CFAP36: variants seen among roughly 807,000 people sequenced by gnomAD.
CFAP36 encodes the protein cilia- and flagella-associated protein 36.
In CFAP36, 37 loss-of-function variants were observed where a neutral mutation model predicts 50.5. The ratio of observed to expected loss-of-function variants is 0.73; its 90% CI spans 0.56 to 0.96. The LOEUF is 0.96. Among genes scored for constraint, CFAP36 ranks in the 50% least tolerant of loss-of-function variants. The pLI is 0.00. For synonymous variants in CFAP36, 138 were observed against 128.2 expected, an observed-to-expected ratio of 1.08 and a Z score of -0.52; for missense variants, 407 against 396.2, an observed-to-expected ratio of 1.03 and a Z score of -0.23.
chr2:55,520,644 A>C (rs1022635990), intron 1 of CFAP36, among the ~76,000 whole-genome samples: 2 of 152,202 alleles, frequency 1.3e-5, no homozygotes, highest in African/African-American at 4.8e-5. Context: ...CAGTTCGTGG[A>C]GACTATTTGC....
At chr2:55,522,269 T>TA in intron 2 of CFAP36, 103 bp downstream of exon 2, 1 of 636,478 alleles carries the variant, frequency 1.6e-6, no homozygotes, top group South Asian at 2.3e-5. Flanking sequence ...TCCTTAATTT[T>TA]ACAAAAATCC....
chr2:55,520,424 T>C, intron 1 of CFAP36: 1 of 1,548,504 alleles, frequency 6.5e-7, no homozygotes, highest in South Asian at 1.2e-5. Context: ...AAGGAGGGCA[T>C]GTGATAACTC....
rs537605563 is a variant in CFAP36, at chr2:55,524,561, C to A, written c.282+739C>A. Reference sequence around the variant, plus strand: ...GATTACAGGCATGAGCCACCACGCCCAGCCTGTAAACTAATGTTTATTGAG... The same window carrying A: ...GATTACAGGCATGAGCCACCACGCCAAGCCTGTAAACTAATGTTTATTGAG... On this transcript the variant is annotated intron_variant, in intron 3 of 9. Coordinates refer to ENST00000349456, the MANE Select transcript of CFAP36 (RefSeq NM_080667.7). Among the ~76,000 whole-genome samples, 11 of 151,782 alleles carry A rather than the reference C, an allele frequency of 7.2e-5. No individual in the cohort carries two copies. In the East Asian group the frequency reaches 1.4e-3, roughly 19 times the overall value.
intron 7 of CFAP36, among the ~76,000 whole-genome samples, chr2:55,542,231 A>C (rs929224946): frequency 2.6e-5 from 4 of 152,242 alleles, no homozygotes; most frequent in African/African-American, 9.6e-5. Flanking sequence ...GCTATAGAAA[A>C]CTTGATCTCA....
intron 7 of CFAP36, among the ~76,000 whole-genome samples, 182 bp downstream of exon 7, chr2:55,537,767 AAG>A (rs1337291577): frequency 6.6e-6 from 1 of 152,208 alleles, no homozygotes; most frequent in Admixed American, 6.5e-5. Flanking sequence ...ACTGACCTGA[AAG>A]AGAGCGTATA....
intron 7 of CFAP36, 116 bp from the exon 8 acceptor site, chr2:55,543,822 A>ATGAC (rs1309757859): frequency 2.0e-6 from 2 of 999,718 alleles, no homozygotes; most frequent in Non-Finnish European, 3.0e-6. Flanking sequence ...TGTTGACTGA[A>ATGAC]TGACTATGAG....
chr2:55,544,241 G>C lies in CFAP36; in HGVS notation c.799G>C (p.Glu267Gln). 1 of 1,613,578 alleles carries C rather than the reference G, an allele frequency of 6.2e-7. No individual in the cohort carries two copies. Among genetic ancestry groups the C allele is most frequent in the African/African-American group, 1.3e-5 (1 of 74,992 alleles). Residue 267 changes from glutamate (E) to glutamine (Q), a missense_variant, in exon 9 of 10, where the codon GAA (glutamate) becomes CAA (glutamine). Physicochemically the swap from Glu to Gln is conservative, Grantham distance 29 (BLOSUM62 2). Coordinates refer to ENST00000349456, the MANE Select transcript of CFAP36 (RefSeq NM_080667.7). Reference sequence around the variant, plus strand: ...CCAGAACTTATCAGTACTTGGAACAGAAGAACTTCGGCAACGAGAACACTA... The same window carrying C: ...CCAGAACTTATCAGTACTTGGAACACAAGAACTTCGGCAACGAGAACACTA... The part of the protein sequence containing the change: ...PIANLSVLGT[E>Q]ELRQREHYLK...
rs1277458906 is a variant in CFAP36, at chr2:55,523,237, G to A, written c.181-484G>A. Among the ~76,000 whole-genome samples, 5 of 141,578 alleles carry A rather than the reference G, an allele frequency of 3.5e-5. No homozygotes were observed. The South Asian group carries it at 9.2e-4, about 26-fold the overall frequency. The allele number at this position is 141,578 out of a possible 152,430, so 92.9% of individuals were successfully genotyped here. A position where few individuals can be genotyped will look rare whatever the true frequency, so the allele number is the denominator to read the frequency against. ...ACCAGCCTGACCAACATGGTGCAAC[G>A]CCATCTCTACCAAAAAAAAAAAAAA... On this transcript the variant is annotated intron_variant, in intron 2 of 9. Coordinates refer to ENST00000349456, the MANE Select transcript of CFAP36 (RefSeq NM_080667.7).
chr2:55,522,714 G>C (rs1028868938), intron 2 of CFAP36, among the ~76,000 whole-genome samples: 3 of 152,138 alleles, frequency 2.0e-5, no homozygotes, highest in Non-Finnish European at 4.4e-5. Flanking sequence ...TGGAACTCCA[G>C]AGCTCAAGTG....
intron 7 of CFAP36, among the ~76,000 whole-genome samples, chr2:55,539,962 G>A (rs548405469): frequency 6.6e-6 from 1 of 152,138 alleles, no homozygotes; most frequent in Non-Finnish European, 1.5e-5. Flanking sequence ...TGGGTTGTTT[G>A]TTTTCTTTTT....
intron 9 of CFAP36, among the ~76,000 whole-genome samples, chr2:55,544,664 TTTTATCATAGAGCAGCATCAGTACCACC>T (rs1464669379): frequency 2.0e-5 from 3 of 152,156 alleles, no homozygotes; most frequent in Admixed American, 1.3e-4. Flanking sequence ...TTCTGAAATG[TTTTATCATAGAGCAGCATCAGTACCACC>T]TTTATCATAG....
chr2:55,543,860 C>T, intron 7 of CFAP36, 78 bp from the exon 8 acceptor site: 1 of 1,339,714 alleles, frequency 7.5e-7, no homozygotes, highest in East Asian at 2.3e-5. Context: ...AACATTAGCT[C>T]ATTTCGGTAA....
At chr2:55,535,578 G>C (rs1257495651) in intron 5 of CFAP36, 134 bp from the exon 6 acceptor site, 1 of 660,306 alleles carries the variant, frequency 1.5e-6, no homozygotes, top group East Asian at 3.1e-5. Flanking sequence ...TTAGAGCAAG[G>C]CTTGATTATC....
intron 4 of CFAP36, among the ~76,000 whole-genome samples, chr2:55,532,259 G>C (rs1243937163): frequency 1.3e-5 from 2 of 151,762 alleles, no homozygotes; most frequent in East Asian, 1.9e-4. Flanking sequence ...CTAAGATCCA[G>C]GGGTGAATAC....
chr2:55,521,719 T>C (rs1206810712), intron 1 of CFAP36, among the ~76,000 whole-genome samples: 1 of 151,076 alleles, frequency 6.6e-6, no homozygotes, highest in Non-Finnish European at 1.5e-5. Context: ...AACCTCCGCC[T>C]CCTGGGTTCA....
chr2:55,520,316 C>G, intron 1 of CFAP36: 1 of 1,160,158 alleles, frequency 8.6e-7, no homozygotes, highest in Non-Finnish European at 1.2e-6. Context: ...GGAGAAGCGT[C>G]GGTTTACCTG....
At chr2:55,539,860 T>A (rs1684589047) in intron 7 of CFAP36, among the ~76,000 whole-genome samples, 1 of 152,242 alleles carries the variant, frequency 6.6e-6, no homozygotes, top group South Asian at 2.1e-4. Flanking sequence ...ATTTCCCTGA[T>A]GACATGATGT....
At chr2:55,532,444 T>C (rs886512041) in intron 4 of CFAP36, among the ~76,000 whole-genome samples, 1 of 152,172 alleles carries the variant, frequency 6.6e-6, no homozygotes, top group Non-Finnish European at 1.5e-5. Context: ...TACTTCATAC[T>C]GTTGTGTTAT....
chr2:55,521,744 C>T (rs1256418050), intron 1 of CFAP36, among the ~76,000 whole-genome samples: 1 of 151,740 alleles, frequency 6.6e-6, no homozygotes, highest in Non-Finnish European at 1.5e-5. Context: ...ATTCTCTTGC[C>T]TCAGCCTCCC....
Sources: allele counts gnomAD v4.1 joint callset (sites outside exome capture counted in the v4.1 genomes callset), GRCh38; gene constraint gnomAD v4.1.1; transcripts MANE v1.5; gene names NCBI Gene and HGNC (gene_info 2026-07-23, HGNC 2026-07-21).